Variants in IGSF10 observed in about 807,000 individuals in gnomAD.
IGSF10 encodes calvaria mechanical force protein 608.
A neutral mutation model predicts 128.2 loss-of-function variants in IGSF10; 126 were observed. The ratio of observed to expected loss-of-function variants is 0.98; its 90% CI spans 0.85 to 1.14. The LOEUF (loss-of-function observed/expected upper bound fraction) is 1.14, where lower values mean the gene tolerates loss of function less well. IGSF10 is among the 50% of genes most tolerant of loss of function. The probability of loss-of-function intolerance (pLI) is 0.00; values close to 1 mark genes in which losing one functional copy is unlikely to be tolerated. For missense variants in IGSF10, 3,295 were observed against 3,149.8 expected, an observed-to-expected ratio of 1.05 and a Z score of -1.10; for synonymous variants, 1,185 against 1,146.2, an observed-to-expected ratio of 1.03 and a Z score of -0.68.
chr3:151,443,279 T>TA lies in IGSF10; in HGVS notation c.5667dup (p.Thr1890TyrfsTer27), dbSNP rs753820799. ...GAAAATAAGAACAACTTGGAATTGG[T>TA]AAACTGTAATGGTTTCACTTCAGTG... On this transcript the variant is annotated frameshift_variant, in exon 7 of 8. Transcript: ENST00000282466. LOFTEE classifies it high-confidence loss of function. 9 of 1,612,248 alleles carry TA rather than the reference T, an allele frequency of 5.6e-6. No individual in the cohort carries two copies. In the African/African-American group the frequency reaches 1.2e-4, roughly 22 times the overall value.
chr3:151,444,972 C>T lies in IGSF10; in HGVS notation c.5009G>A (p.Cys1670Tyr), dbSNP rs753397605. The T allele has an allele frequency of 1.2e-6, 2 of 1,613,922 alleles. No homozygotes were observed. The highest frequency in any genetic ancestry group is 1.1e-5 in the South Asian group (1 of 90,982). The stretch of plus-strand genomic sequence containing the variant: ...GGGCAGGGGATTTCCAACAGCTTCA[C>T]AGGGAAGAAAGGCATCTGAGTTAGC... ...IPANSDAFLP[C>Y]EAVGNPLPTI... The change falls in exon 6 of 8, where the codon TGT becomes TAT. Residue 1670 changes from cysteine to tyrosine, a missense_variant. Transcript: ENST00000282466.
At chr3:151,583,474 G>A in the IGSF10 span, among the ~76,000 whole-genome samples, 3 of 152,136 alleles carry the variant, frequency 2.0e-5, no homozygotes, top group Non-Finnish European at 2.9e-5. Flanking sequence ...ACTATCACAA[G>A]GATAGAAAAC....
the IGSF10 span, among the ~76,000 whole-genome samples, chr3:151,527,100 A>T: frequency 6.6e-6 from 1 of 152,190 alleles, no homozygotes; most frequent in African/African-American, 2.4e-5. Flanking sequence ...TCCATTGGCT[A>T]CAAAAACCAC....
At chr3:151,484,114 G>A in the IGSF10 span, among the ~76,000 whole-genome samples, 1 of 152,220 alleles carries the variant, frequency 6.6e-6, no homozygotes, top group Non-Finnish European at 1.5e-5. Flanking sequence ...GCTTGGTGGT[G>A]GGAGGGACAT....
the IGSF10 span, among the ~76,000 whole-genome samples, chr3:151,563,156 C>T: frequency 6.6e-6 from 1 of 151,988 alleles, no homozygotes; most frequent in Non-Finnish European, 1.5e-5. Flanking sequence ...TGAGTTAATG[C>T]TCTCAGGTGT....
the IGSF10 span, among the ~76,000 whole-genome samples, chr3:151,602,362 T>G: frequency 6.6e-6 from 1 of 152,188 alleles, no homozygotes; most frequent in Admixed American, 6.5e-5. Context: ...TGATTTCCTG[T>G]GCTCAATCTT....
Position 151,436,859 on chromosome 3 carries a change from A to G in IGSF10, c.7702T>C (p.Ser2568Pro). 1 of 1,614,112 alleles carries G rather than the reference A, an allele frequency of 6.2e-7. No individual in the cohort carries two copies. The highest frequency in any genetic ancestry group is 1.1e-5 in the South Asian group (1 of 91,078). The change falls in exon 8 of 8, where the codon TCC becomes CCC. Residue 2568 changes from serine (S) to proline (P), a missense_variant. Ser to Pro is a moderately conservative substitution (Grantham distance 74, BLOSUM62 -1). Coordinates refer to ENST00000282466, the MANE Select transcript of IGSF10 (RefSeq NM_178822.5). ...TCTTTACTTGCCGTTGAGAGAAGGG[A>G]GTGGTCAGGCATCTCCCATGTGATT... ...PEITWEMPDH[S>P]LLSTASKERT... is the part of the protein sequence containing the mutation.
rs1720255332 is a variant in IGSF10, at chr3:151,436,627, T to C, written c.*62A>G. Reference sequence around the variant, plus strand: ...TTCATTTACATGCCTATGGCTGCCTTTGATTAAACTTCTTCCAAAAAATAA... The same window carrying C: ...TTCATTTACATGCCTATGGCTGCCTCTGATTAAACTTCTTCCAAAAAATAA... On this transcript the variant is annotated 3_prime_UTR_variant, in exon 8 of 8. Coordinates refer to ENST00000282466, the MANE Select transcript of IGSF10 (RefSeq NM_178822.5). The C allele has an allele frequency of 2.5e-6, 3 of 1,202,412 alleles. No individual in the cohort carries two copies. In the South Asian group the frequency reaches 4.5e-5, roughly 18 times the overall value. 74.5% of individuals were successfully genotyped at this position (1,202,412 alleles called of 1,614,324 possible). A position where few individuals can be genotyped will look rare whatever the true frequency, so the allele number is the denominator to read the frequency against.
the IGSF10 span, among the ~76,000 whole-genome samples, chr3:151,548,630 A>G: frequency 6.6e-6 from 1 of 152,146 alleles, no homozygotes; most frequent in Admixed American, 6.6e-5. Flanking sequence ...TATGATGGCT[A>G]TTTCACTCAT....
chr3:151,524,468 T>C, the IGSF10 span, among the ~76,000 whole-genome samples: 1 of 152,200 alleles, frequency 6.6e-6, no homozygotes, highest in Admixed American at 6.5e-5. Flanking sequence ...TAAGATCATG[T>C]CTTTTGCAGG....
upstream of IGSF10, among the ~76,000 whole-genome samples, chr3:151,463,553 T>TG (rs1722164089): frequency 4.5e-5 from 5 of 112,318 alleles, 1 homozygote; most frequent in African/African-American, 1.5e-4. Context: ...TTTTTTTTTT[T>TG]TTTTTTTTCT....
At chr3:151,476,476 C>T in the IGSF10 span, among the ~76,000 whole-genome samples, 1 of 152,154 alleles carries the variant, frequency 6.6e-6, no homozygotes, top group Non-Finnish European at 1.5e-5. Context: ...GTAACTGCTA[C>T]ATTGTACCCG....
chr3:151,491,997 A>AAAGT, the IGSF10 span, among the ~76,000 whole-genome samples: 1 of 151,666 alleles, frequency 6.6e-6, no homozygotes, highest in Admixed American at 6.6e-5. Flanking sequence ...CACAAAAGCA[A>AAAGT]AAATAAATGA....
the IGSF10 span, among the ~76,000 whole-genome samples, chr3:151,483,221 C>A: frequency 1.3e-5 from 2 of 151,500 alleles, no homozygotes; most frequent in Non-Finnish European, 2.9e-5. Context: ...TGAAAATGGT[C>A]AAAAATAACA....
At chr3:151,503,396 G>C in the IGSF10 span, among the ~76,000 whole-genome samples, 31 of 151,908 alleles carry the variant, frequency 2.0e-4, no homozygotes, top group Non-Finnish European at 3.7e-4. Flanking sequence ...AGAGATATTT[G>C]CAGGAACAAG....
At chr3:151,553,171 A>G in the IGSF10 span, among the ~76,000 whole-genome samples, 2 of 152,192 alleles carry the variant, frequency 1.3e-5, no homozygotes, top group Non-Finnish European at 2.9e-5. Context: ...ACGGTTATAC[A>G]TCTGAGTGTT....
chr3:151,518,475 G>C, the IGSF10 span, among the ~76,000 whole-genome samples: 1 of 151,914 alleles, frequency 6.6e-6, no homozygotes, highest in East Asian at 1.9e-4. Context: ...AAAACAATTA[G>C]GTTAGGAAGA....
the IGSF10 span, among the ~76,000 whole-genome samples, chr3:151,508,015 A>G: frequency 2.2e-4 from 33 of 152,326 alleles, no homozygotes; most frequent in East Asian, 6.0e-3. Context: ...TTATCTACAA[A>G]TACTAATATA....
At chr3:151,497,608 A>G in the IGSF10 span, among the ~76,000 whole-genome samples, 2 of 152,048 alleles carry the variant, frequency 1.3e-5, no homozygotes, top group Admixed American at 1.3e-4. Flanking sequence ...GTCAGGTAGC[A>G]TGATGCCTCC....
Sources: gnomAD v4.1 joint callset for allele counts (sites outside exome capture counted in the v4.1 genomes callset) on GRCh38, gnomAD v4.1.1 for gene constraint, MANE v1.5 for transcripts, NCBI Gene and HGNC (gene_info 2026-07-23, HGNC 2026-07-21) for gene names.